JAZF1: variants seen among roughly 807,000 people sequenced by gnomAD.
JAZF1 encodes the protein JAZF zinc finger 1, also known as juxtaposed with another zinc finger protein 1.
A neutral mutation model predicts 26.4 loss-of-function variants in JAZF1; 8 were observed. The ratio of observed to expected loss-of-function variants is 0.30; its 90% confidence interval spans 0.18 to 0.55. The LOEUF is 0.55. JAZF1 is among the 20% of genes least tolerant of loss of function. The pLI is 0.94. For synonymous variants in JAZF1, 126 were observed against 122.3 expected, an observed-to-expected ratio of 1.03 and a Z score of -0.20; for missense variants, 199 against 322.0, an observed-to-expected ratio of 0.62 and a Z score of 2.92.
chr7:27,992,323 CTG>C (rs1243258679), intron 1 of JAZF1: 2 of 424,650 alleles, frequency 4.7e-6, no homozygotes, highest in East Asian at 1.4e-4. Flanking sequence ...AAGAAAGTCT[CTG>C]TTAATTATGC....
chr7:28,015,026 AGTGTGTATGTGT>A (rs1175299505), intron 1 of JAZF1, among the ~76,000 whole-genome samples: 5 of 116,532 alleles, frequency 4.3e-5, no homozygotes, highest in Middle Eastern at 4.2e-3. Context: ...AAAAGCAGAA[AGTGTGTATGTGT>A]GTGTGTGTGT....
chr7:27,852,587 C>T (rs1783171207), intron 3 of JAZF1, among the ~76,000 whole-genome samples: 1 of 152,192 alleles, frequency 6.6e-6, no homozygotes, highest in Non-Finnish European at 1.5e-5. Flanking sequence ...GTGACCAACA[C>T]AGTGTTGGCC....
chr7:28,110,532 G>A (rs13308378), intron 1 of JAZF1, among the ~76,000 whole-genome samples: 588 of 35,458 alleles, frequency 0.017, 59 homozygotes, highest in African/African-American at 0.045. Context: ...AAAGGAAAAG[G>A]AAAGGAAAAG....
intron 2 of JAZF1, among the ~76,000 whole-genome samples, chr7:27,927,083 T>C (rs940169140): frequency 2.0e-5 from 3 of 152,212 alleles, no homozygotes; most frequent in Admixed American, 6.5e-5. Flanking sequence ...TTCTGCAAAC[T>C]GATTCTGTTA....
chr7:28,004,979 G>T (rs1229734076), intron 1 of JAZF1, among the ~76,000 whole-genome samples: 1 of 152,028 alleles, frequency 6.6e-6, no homozygotes, highest in South Asian at 2.1e-4. Context: ...ACTTCACTTG[G>T]GACTCAGGTT....
chr7:28,102,009 T>A (rs1784479850), intron 1 of JAZF1, among the ~76,000 whole-genome samples: 1 of 152,130 alleles, frequency 6.6e-6, no homozygotes, highest in African/African-American at 2.4e-5. Flanking sequence ...AAATGGTGCC[T>A]CATCAGACAT....
chr7:27,906,933 C>T (rs968195537), intron 2 of JAZF1, among the ~76,000 whole-genome samples: 2 of 152,174 alleles, frequency 1.3e-5, no homozygotes, highest in Admixed American at 6.5e-5. Context: ...TTTCAGTTTT[C>T]TTGTTTTGCC....
At chr7:28,018,522 G>A (rs1782940988) in intron 1 of JAZF1, among the ~76,000 whole-genome samples, 1 of 152,188 alleles carries the variant, frequency 6.6e-6, no homozygotes, top group African/African-American at 2.4e-5. Flanking sequence ...CGTTGTCCTA[G>A]CATCATTATT....
At chr7:28,017,556 G>A (rs1459853624) in intron 1 of JAZF1, among the ~76,000 whole-genome samples, 1 of 152,134 alleles carries the variant, frequency 6.6e-6, no homozygotes, top group African/African-American at 2.4e-5. Context: ...CCTTCTGGGT[G>A]CAAAGGGAAG....
intron 1 of JAZF1, among the ~76,000 whole-genome samples, chr7:28,063,709 G>C (rs1388148324): frequency 6.6e-6 from 1 of 152,082 alleles, no homozygotes; most frequent in Non-Finnish European, 1.5e-5. Context: ...AGAATGATAT[G>C]TATTATTTGT....
intron 2 of JAZF1, among the ~76,000 whole-genome samples, chr7:27,977,821 T>C (rs1157347343): frequency 6.6e-6 from 1 of 152,206 alleles, no homozygotes; most frequent in Non-Finnish European, 1.5e-5. Flanking sequence ...GCCTGGACTC[T>C]AGCTTACTCC....
intron 1 of JAZF1, among the ~76,000 whole-genome samples, chr7:28,046,764 T>C (rs1245936619): frequency 6.6e-6 from 1 of 152,240 alleles, no homozygotes; most frequent in Non-Finnish European, 1.5e-5. Flanking sequence ...ATATGTTAAA[T>C]AGTCATTTGT....
At chr7:27,978,369 G>C (rs566875633) in intron 2 of JAZF1, among the ~76,000 whole-genome samples, 5 of 152,184 alleles carry the variant, frequency 3.3e-5, no homozygotes, top group Admixed American at 1.3e-4. Context: ...GATAGTTTCT[G>C]AGCAAAAAAC....
chr7:28,067,737 T>C (rs962164758), intron 1 of JAZF1, among the ~76,000 whole-genome samples: 2 of 152,116 alleles, frequency 1.3e-5, no homozygotes, highest in African/African-American at 2.4e-5. Flanking sequence ...AGTGTCAAAA[T>C]AGGTTGGAAG....
At chr7:27,885,896 A>G (rs1484969474) in intron 3 of JAZF1, among the ~76,000 whole-genome samples, 1 of 152,166 alleles carries the variant, frequency 6.6e-6, no homozygotes, top group African/African-American at 2.4e-5. Context: ...CTGGTGAAAT[A>G]TTGTCTGCCC....
intron 1 of JAZF1, among the ~76,000 whole-genome samples, chr7:28,009,291 A>C (rs1347466975): frequency 1.3e-5 from 2 of 151,860 alleles, no homozygotes; most frequent in Non-Finnish European, 2.9e-5. Flanking sequence ...CTGCCTGTCA[A>C]TCTCTCCTCC....
chr7:27,873,856 A>C (rs1783625733), intron 3 of JAZF1, among the ~76,000 whole-genome samples: 1 of 151,942 alleles, frequency 6.6e-6, no homozygotes. Flanking sequence ...ACATTTCCTG[A>C]CTCCACTCTG....
intron 2 of JAZF1, among the ~76,000 whole-genome samples, chr7:27,955,812 G>T (rs376819527): frequency 6.6e-6 from 1 of 152,180 alleles, no homozygotes; most frequent in Admixed American, 6.5e-5. Context: ...GGTGGTGGAG[G>T]AGTGCCAAAG....
intron 3 of JAZF1, among the ~76,000 whole-genome samples, chr7:27,894,579 G>T (rs1034069255): frequency 6.6e-6 from 1 of 152,216 alleles, no homozygotes; most frequent in African/African-American, 2.4e-5. Context: ...CCACATGTGT[G>T]TCAGGGAGAC....
Sources: allele counts gnomAD v4.1 joint callset (sites outside exome capture counted in the v4.1 genomes callset), GRCh38; gene constraint gnomAD v4.1.1; transcripts MANE v1.5; gene names NCBI Gene and HGNC (gene_info 2026-07-23, HGNC 2026-07-21).